Variants in EXOC4 observed in about 807,000 individuals in gnomAD.
The protein encoded by EXOC4 is exocyst complex component 4.
In EXOC4, 71 loss-of-function variants were observed where a neutral mutation model predicts 107.2. The observed-to-expected ratio is 0.66, with a 90% CI of 0.55 to 0.81. The LOEUF (loss-of-function observed/expected upper bound fraction) is 0.81. Among genes scored for constraint, EXOC4 ranks in the 30% least tolerant of loss-of-function variants. The probability of loss-of-function intolerance (pLI) is 0.00; values close to 1 mark genes in which losing one functional copy is unlikely to be tolerated. For synonymous variants in EXOC4, 456 were observed against 441.2 expected (o/e 1.03, Z -0.42); for missense variants, 1,108 against 1,189.6 (o/e 0.93, Z 1.01).
At chr7:133,586,440 A>C (rs1801405670) in intron 9 of EXOC4, among the ~76,000 whole-genome samples, 1 of 152,148 alleles carries the variant, frequency 6.6e-6, no homozygotes, top group Admixed American at 6.5e-5. Context: ...ATGTGATCTT[A>C]CTTTTTTTAT....
chr7:133,606,743 C>G (rs1209729761), intron 9 of EXOC4, among the ~76,000 whole-genome samples: 1 of 151,730 alleles, frequency 6.6e-6, no homozygotes, highest in Non-Finnish European at 1.5e-5. Context: ...CTCGAACTCC[C>G]GACCTCAGGT....
chr7:133,734,983 G>A (rs2151121095), intron 10 of EXOC4, among the ~76,000 whole-genome samples: 1 of 150,758 alleles, frequency 6.6e-6, no homozygotes, highest in African/African-American at 2.4e-5. Flanking sequence ...GGCTGAGGCG[G>A]GTGGATCATA....
intron 14 of EXOC4, among the ~76,000 whole-genome samples, chr7:133,967,588 C>A (rs1294436347): frequency 6.6e-6 from 1 of 152,122 alleles, no homozygotes; most frequent in Non-Finnish European, 1.5e-5. Context: ...GTTATTTACC[C>A]AGTTGTCATT....
At chr7:133,837,302 G>A (rs1308857600) in intron 11 of EXOC4, among the ~76,000 whole-genome samples, 1 of 152,146 alleles carries the variant, frequency 6.6e-6, no homozygotes, top group South Asian at 2.1e-4. Flanking sequence ...CACTTAATCT[G>A]TCTGGGCCTC....
chr7:133,510,978 C>T (rs946074346), intron 9 of EXOC4, among the ~76,000 whole-genome samples: 5 of 151,914 alleles, frequency 3.3e-5, no homozygotes, highest in Middle Eastern at 3.2e-3. Context: ...AAGGAAAAGC[C>T]GAAAGAGTAT....
chr7:133,401,292 G>T (rs1344994095), intron 7 of EXOC4, among the ~76,000 whole-genome samples: 1 of 151,098 alleles, frequency 6.6e-6, no homozygotes, highest in South Asian at 2.1e-4. Context: ...TTCCTATTCA[G>T]TCAACTATTT....
chr7:133,577,774 A>G (rs1468152037), intron 9 of EXOC4, among the ~76,000 whole-genome samples: 1 of 152,228 alleles, frequency 6.6e-6, no homozygotes, highest in East Asian at 1.9e-4. Flanking sequence ...ATATATGTAA[A>G]AAATGCTCAA....
At chr7:133,992,842 T>C (rs569883711) in intron 14 of EXOC4, among the ~76,000 whole-genome samples, 2 of 151,504 alleles carry the variant, frequency 1.3e-5, no homozygotes, top group East Asian at 3.9e-4. Context: ...GAACTTAGTG[T>C]AAGGCTTTCA....
chr7:133,588,492 C>G lies in EXOC4; in HGVS notation c.1418-41553C>G, dbSNP rs151225073. Among the ~76,000 whole-genome samples the G allele has an allele frequency of 2.6e-3, 403 of 152,158 alleles. 1 individual carries two copies. The highest frequency in any genetic ancestry group is 9.4e-3 in the African/African-American group (391 of 41,552). On this transcript the variant is annotated intron_variant, in intron 9 of 17. Transcript: ENST00000253861. ...CTAGCAGATTTTTTTTGCCACTATT[C>G]TCTATTTGCTCTATAAAAATGTGAT...
chr7:133,798,268 CAT>C (rs140108723), intron 10 of EXOC4, among the ~76,000 whole-genome samples: 1,839 of 152,238 alleles, frequency 0.012, 36 homozygotes, highest in African/African-American at 0.041. Flanking sequence ...AATACATAAA[CAT>C]AGGATATTGT....
At chr7:133,897,364 A>T (rs925012129) in intron 12 of EXOC4, among the ~76,000 whole-genome samples, 1 of 152,142 alleles carries the variant, frequency 6.6e-6, no homozygotes, top group African/African-American at 2.4e-5. Flanking sequence ...CTTAACAATT[A>T]TGTCAATTGG....
intron 10 of EXOC4, among the ~76,000 whole-genome samples, chr7:133,718,749 T>C (rs994972174): frequency 5.3e-5 from 8 of 152,252 alleles, no homozygotes; most frequent in Middle Eastern, 3.4e-3. Context: ...ATGTAACACA[T>C]GGTGAATGTT....
At chr7:133,564,346 C>G (rs1409556717) in intron 9 of EXOC4, among the ~76,000 whole-genome samples, 2 of 152,096 alleles carry the variant, frequency 1.3e-5, no homozygotes, top group Non-Finnish European at 1.5e-5. Context: ...TGAGAACTCA[C>G]TCACTATCAT....
intron 10 of EXOC4, among the ~76,000 whole-genome samples, chr7:133,659,376 A>T (rs1372075130): frequency 6.6e-6 from 1 of 151,914 alleles, no homozygotes; most frequent in Admixed American, 6.6e-5. Flanking sequence ...TCATTCCCTC[A>T]CTCATTGATT....
intron 11 of EXOC4, among the ~76,000 whole-genome samples, chr7:133,837,160 T>C (rs140634876): frequency 6.2e-4 from 95 of 152,324 alleles, no homozygotes; most frequent in African/African-American, 2.2e-3. Context: ...ACTAACAATT[T>C]TTGAATGCCT....
At chr7:133,747,625 A>C (rs990967001) in intron 10 of EXOC4, among the ~76,000 whole-genome samples, 2 of 152,192 alleles carry the variant, frequency 1.3e-5, no homozygotes, top group Non-Finnish European at 2.9e-5. Context: ...ATGCGTGTAC[A>C]TTGAAGTGTA....
At chr7:133,828,672 A>C (rs984123345) in intron 11 of EXOC4, among the ~76,000 whole-genome samples, 6 of 152,208 alleles carry the variant, frequency 3.9e-5, no homozygotes, top group Non-Finnish European at 7.3e-5. Context: ...TAGCATAGAC[A>C]ATCTCAGATG....
At chr7:133,683,508 T>A (rs900628681) in intron 10 of EXOC4, among the ~76,000 whole-genome samples, 1 of 152,192 alleles carries the variant, frequency 6.6e-6, no homozygotes, top group African/African-American at 2.4e-5. Context: ...TTAACTAATA[T>A]CTGTATCTTT....
At chr7:133,782,271 GCAGTCATTCAGGGATC>G (rs1796484077) in intron 10 of EXOC4, among the ~76,000 whole-genome samples, 1 of 152,226 alleles carries the variant, frequency 6.6e-6, no homozygotes, top group African/African-American at 2.4e-5. Context: ...CTGAGGGCAT[GCAGTCATTCAGGGATC>G]CAAAGTAGCT....
Sources: gnomAD v4.1 joint callset for allele counts (sites outside exome capture counted in the v4.1 genomes callset) on GRCh38, gnomAD v4.1.1 for gene constraint, MANE v1.5 for transcripts, NCBI Gene and HGNC (gene_info 2026-07-23, HGNC 2026-07-21) for gene names.